The following LMF2 variants were observed in gnomAD, a reference collection of about 807,000 sequenced individuals.
The protein encoded by LMF2 is transmembrane protein 112B.
LMF2 carries 113 observed loss-of-function variants against 81.5 expected under a neutral mutation model. The observed-to-expected ratio is 1.39, with a 90% CI of 1.19 to 1.62. LMF2 has a LOEUF of 1.62. Ranked by LOEUF, LMF2 falls within the 40% of genes most tolerant of loss-of-function variation. The pLI is 0.00. For missense variants in LMF2, 1,235 were observed against 929.1 expected (o/e 1.33, Z -4.28); for synonymous variants, 645 against 424.5 (o/e 1.52, Z -6.39).
intron 6 of LMF2, 43 bp from the exon 7 acceptor site, chr22:50,505,580 CA>C (rs1569518472): frequency 2.5e-6 from 4 of 1,611,928 alleles, no homozygotes; most frequent in Non-Finnish European, 2.5e-6. Context: ...GGTCCCCAGC[CA>C]GGGGGCTGGG....
Position 50,506,671 on chromosome 22 carries a change from G to C in LMF2, c.349-5C>G, listed in dbSNP as rs536209520. ...ATAAAGGAACACCTGGCCCACCTGC[G>C]GAGAGAGGGGCTGTCAGGGAGCGGG... On this transcript the variant is annotated splice_polypyrimidine_tract_variant and splice_region_variant and intron_variant, in intron 2 of 13. Coordinates refer to ENST00000474879, the MANE Select transcript of LMF2 (RefSeq NM_033200.3). The C allele has an allele frequency of 6.2e-7, 1 of 1,613,678 alleles. No homozygotes were observed. The highest frequency in any genetic ancestry group is 8.5e-7 in the Non-Finnish European group (1 of 1,179,900).
rs1487328263 is a variant in LMF2, at chr22:50,503,437, G to C, written c.2078C>G (p.Pro693Arg). The stretch of plus-strand genomic sequence containing the variant: ...CCTCGAACTACTGGAGCAGGGGTTG[G>C]GGGCTGCGGTGGCCTGTTCGGAGGC... Reference protein sequence around the residue: ...GAASEQATAAPNPCSSSSRTT... With the variant: ...GAASEQATAARNPCSSSSRTT... Residue 693 changes from proline to arginine, a missense_variant, in exon 14 of 14, where the codon CCC becomes CGC. By Grantham distance (103) the Pro-to-Arg change is moderately radical. Coordinates refer to ENST00000474879, the MANE Select transcript of LMF2 (RefSeq NM_033200.3). The C allele has an allele frequency of 6.2e-7, 1 of 1,607,696 alleles. No individual in the cohort carries two copies. The highest frequency in any genetic ancestry group is 8.5e-7 in the Non-Finnish European group (1 of 1,178,346).
intron 11 of LMF2, 47 bp from the exon 12 acceptor site, chr22:50,504,498 C>T: frequency 6.8e-7 from 1 of 1,470,692 alleles, no homozygotes; most frequent in Non-Finnish European, 9.3e-7. Flanking sequence ...CCGCCCTGCC[C>T]CTCCCCTCCC....
chr22:50,503,127 G>A lies in LMF2; in HGVS notation c.*264C>T, dbSNP rs1007660963. 16 of 475,664 alleles carry A rather than the reference G, an allele frequency of 3.4e-5. No homozygotes were observed. Among genetic ancestry groups the A allele is most frequent in the South Asian group, 2.5e-4 (9 of 36,404 alleles). 29.5% of individuals were successfully genotyped at this position (475,664 alleles called of 1,614,324 possible). A position where few individuals can be genotyped will look rare whatever the true frequency, so the allele number is the denominator to read the frequency against. ...CTCAGACCCCCACAGCCCAGGGCAG[G>A]GGAAGGGTCTTGAGCTTGGTCGTGT... On this transcript the variant is annotated 3_prime_UTR_variant, in exon 14 of 14. Coordinates refer to ENST00000474879, the MANE Select transcript of LMF2 (RefSeq NM_033200.3).
In LMF2 at chr22:50,505,220, G is replaced by C; in HGVS notation, c.1157+9C>G. Reference sequence around the variant, plus strand: ...CCTGTGCCCCCTCCCTGCTTCCTGGGCCATGTACCTCCACAGGGCACTCAG... The same window carrying C: ...CCTGTGCCCCCTCCCTGCTTCCTGGCCCATGTACCTCCACAGGGCACTCAG... On this transcript the variant is annotated intron_variant, in intron 8 of 13. Transcript: ENST00000474879. 1 of 1,612,968 alleles carries C rather than the reference G, an allele frequency of 6.2e-7. No individual in the cohort carries two copies. Among genetic ancestry groups the C allele is most frequent in the Non-Finnish European group, 8.5e-7 (1 of 1,179,870 alleles).
In LMF2 at chr22:50,503,339, G is replaced by A. The variant is rs370369524; in HGVS notation, c.*52C>T. 157 of 1,586,972 alleles carry A rather than the reference G, an allele frequency of 9.9e-5. No homozygotes were observed. In the African/African-American group the frequency reaches 2.0e-3, roughly 20 times the overall value. On this transcript the variant is annotated 3_prime_UTR_variant, in exon 14 of 14. Coordinates refer to ENST00000474879, the MANE Select transcript of LMF2 (RefSeq NM_033200.3). ...CTGGGTCCTGTCCTGCCGGAGGCCA[G>A]AGCACTCCCGGCGACCTGGCCCTCT...
Position 50,502,994 on chromosome 22 carries a change from AGGATGGGCT to A in LMF2, c.*388_*396del. ...TTATTGGTGCCCAGATCTAAAGGGC[AGGATGGGCT>A]GGTGTGAAGATGACGTGGAAGATGA... On this transcript the variant is annotated 3_prime_UTR_variant, in exon 14 of 14. Coordinates refer to ENST00000474879, the MANE Select transcript of LMF2 (RefSeq NM_033200.3). 4.9e-6 allele frequency: 1 copy of A among 202,200 alleles called. No homozygotes were observed. The highest frequency in any genetic ancestry group is 1.0e-5 in the Non-Finnish European group (1 of 100,340). The allele number at this position is 202,200 out of a possible 1,614,324, so 12.5% of individuals were successfully genotyped here.
Position 50,503,834 on chromosome 22 carries a change from T to A in LMF2, c.1789A>T (p.Thr597Ser). ...TGTAGTCCAAACTGCCTGAGCAGCG[T>A]CTCCAGCGTGGGGTCCCCCAGGGAC... ...SVSLGDPTLE[T>S]LLRQFGLQEK... is the part of the protein sequence containing the mutation. Residue 597 changes from threonine (T) to serine (S), a missense_variant, in exon 13 of 14, where the codon ACG (threonine) becomes TCG (serine). Transcript: ENST00000474879. 6.2e-7 allele frequency: 1 copy of A among 1,605,860 alleles called. No individual in the cohort carries two copies.
chr22:50,507,546 C>A (rs750894091), intron 1 of LMF2, 36 bp downstream of exon 1: 4 of 1,464,806 alleles, frequency 2.7e-6, no homozygotes, highest in African/African-American at 2.8e-5. Flanking sequence ...GGGTCCCGCG[C>A]CGAGGCTGGG....
Position 50,505,795 on chromosome 22 carries a change from A to C in LMF2, c.795T>G (p.Ile265Met). 1 of 1,613,118 alleles carries C rather than the reference A, an allele frequency of 6.2e-7. No homozygotes were observed. Among genetic ancestry groups the C allele is most frequent in the Non-Finnish European group, 8.5e-7 (1 of 1,179,928 alleles). Residue 265 changes from isoleucine (I) to methionine (M), a missense_variant, in exon 6 of 14, where the codon ATT (isoleucine) becomes ATG (methionine). Ile to Met is a conservative substitution (Grantham distance 10). Coordinates refer to ENST00000474879, the MANE Select transcript of LMF2 (RefSeq NM_033200.3). Reference sequence around the variant, plus strand: ...AGAAGTTGTAGTTGCCGGTGATGATAATCAGGACCTGCAGCAGCACCTGGG... The same window carrying C: ...AGAAGTTGTAGTTGCCGGTGATGATCATCAGGACCTGCAGCAGCACCTGGG... ...FYSQVLLQVLIIITGNYNFFN... is the reference protein window; with the variant it reads ...FYSQVLLQVLMIITGNYNFFN...
intron 9 of LMF2, 33 bp downstream of exon 9, chr22:50,505,024 C>CA: frequency 6.2e-7 from 1 of 1,612,576 alleles, no homozygotes; most frequent in Non-Finnish European, 8.5e-7. Context: ...GCCCTGCCCC[C>CA]AGCCCATCCC....
intron 6 of LMF2, 40 bp downstream of exon 6, chr22:50,505,634 A>G (rs767538472): frequency 1.2e-6 from 2 of 1,610,852 alleles, no homozygotes. Context: ...TGGAGGGGAG[A>G]ACCCCTGGGA....
In LMF2 at chr22:50,505,255, G is replaced by A. The variant is rs111533411; in HGVS notation, c.1131C>T (p.Val377=). Residue 377 remains valine, a synonymous_variant, in exon 8 of 14, where the codon GTC becomes GTT. Transcript: ENST00000474879. ...PTVWLGVASL[V]WELLSALWRW... ...TCCACAGGGCACTCAGCAGCTCCCAGACCAGGGAGGCCACACCCAGCCACA... is the reference window on the plus strand; with the variant it reads ...TCCACAGGGCACTCAGCAGCTCCCAAACCAGGGAGGCCACACCCAGCCACA... 131 of 1,613,170 alleles carry A rather than the reference G, an allele frequency of 8.1e-5. No homozygotes were observed. The African/African-American group carries it at 9.5e-4, about 12-fold the overall frequency.
Position 50,506,972 on chromosome 22 carries a change from C to G in LMF2, c.158G>C (p.Arg53Pro). The change falls in exon 2 of 14, where the codon CGC (arginine) becomes CCC (proline). Residue 53 changes from arginine to proline, a missense_variant. Arg to Pro is a moderately radical substitution (Grantham distance 103, BLOSUM62 -2). Transcript: ENST00000474879. ...CGGGGTCTCCCACAGCTGCTGCCAG[C>G]GCCCCTTGCCCTGAGGCCGCAGCGT... ...RRTLRPQGKG[R>P]WQQLWETPTL... 1.3e-6 allele frequency: 2 copies of G among 1,590,018 alleles called. No homozygotes were observed. Among genetic ancestry groups the G allele is most frequent in the Non-Finnish European group, 1.7e-6 (2 of 1,174,230 alleles).
rs1175290329 is a variant in LMF2 at position 50,505,049 on chromosome 22, C to T, written c.1254+8G>A. Reference sequence around the variant, plus strand: ...CAGCCCATCCCCCAGCCCTGCAGCGCTACCCACCAGGCTAATCAGGAACAA... The same window carrying T: ...CAGCCCATCCCCCAGCCCTGCAGCGTTACCCACCAGGCTAATCAGGAACAA... On this transcript the variant is annotated splice_region_variant and intron_variant, in intron 9 of 13. Transcript: ENST00000474879. The T allele has an allele frequency of 1.2e-6, 2 of 1,612,912 alleles. No homozygotes were observed. Among genetic ancestry groups the T allele is most frequent in the Non-Finnish European group, 1.7e-6 (2 of 1,179,972 alleles).
intron 10 of LMF2, 22 bp from the exon 11 acceptor site, chr22:50,504,749 G>A: frequency 6.2e-7 from 1 of 1,607,788 alleles, no homozygotes; most frequent in Non-Finnish European, 8.5e-7. Context: ...GCCGAGGTCA[G>A]CTGGGCCCGC....
In LMF2 at chr22:50,504,445, C is replaced by A; in HGVS notation, c.1613G>T (p.Arg538Leu). Residue 538 changes from arginine (R) to leucine (L), a missense_variant, in exon 12 of 14, where the codon CGC becomes CTC. Coordinates refer to ENST00000474879, the MANE Select transcript of LMF2 (RefSeq NM_033200.3). ...RLLQGKEPVIRLVQSQVARYP... is the reference protein window; with the variant it reads ...RLLQGKEPVILLVQSQVARYP... ...CCTGGCCACTTGGCTCTGGACAAGG[C>A]GGATCACTGCAGCGAGAGGCATCAG... 2 of 1,611,290 alleles carry A rather than the reference C, an allele frequency of 1.2e-6. No individual in the cohort carries two copies. Among genetic ancestry groups the A allele is most frequent in the Non-Finnish European group, 1.7e-6 (2 of 1,179,500 alleles).
At position 50,504,947 on chromosome 22, in the gene LMF2, C is replaced by T. The variant is rs566977548; in HGVS notation, c.1292G>A (p.Arg431His). ...CAGGCGGTGGGCCCCGGTCCAGAGG[C>T]GCCCGTGGGTCCCGGGCTCCACGTA... ...YSYVEPGTHG[R>H]LWTGAHRLFG... The change falls in exon 10 of 14, where the codon CGC (arginine) becomes CAC (histidine). Residue 431 changes from arginine to histidine, a missense_variant. By Grantham distance (29) the Arg-to-His change is conservative. Transcript: ENST00000474879. The T allele has an allele frequency of 8.8e-5, 142 of 1,607,240 alleles. No homozygotes were observed. The highest frequency in any genetic ancestry group is 8.3e-4 in the East Asian group (37 of 44,646).
At chr22:50,507,082 C>T in intron 1 of LMF2, 47 bp from the exon 2 acceptor site, 4 of 1,546,000 alleles carry the variant, frequency 2.6e-6, no homozygotes, top group Non-Finnish European at 3.5e-6. Context: ...CCCTTGCAGA[C>T]TAGACTACCT....
Sources: allele counts gnomAD v4.1 joint callset, GRCh38; gene constraint gnomAD v4.1.1; transcripts MANE v1.5; gene names NCBI Gene and HGNC (gene_info 2026-07-23, HGNC 2026-07-21).